The following CSTPP1 variants were observed in gnomAD, a reference collection of about 807,000 sequenced individuals.
The protein encoded by CSTPP1 is UPF0705 protein C11orf49.
At chr11:47,074,755 A>C in the CSTPP1 span, among the ~76,000 whole-genome samples, 1 of 152,210 alleles carries the variant, frequency 6.6e-6, no homozygotes, top group Non-Finnish European at 1.5e-5. Flanking sequence ...TTTTAAGTAC[A>C]AAATGTCAGC....
chr11:46,937,416 A>G, the CSTPP1 span, among the ~76,000 whole-genome samples: 2 of 152,172 alleles, frequency 1.3e-5, no homozygotes, highest in Non-Finnish European at 2.9e-5. Flanking sequence ...GCCCACTCCA[A>G]CAGAACTTGA....
At chr11:46,953,636 T>A in the CSTPP1 span, among the ~76,000 whole-genome samples, 1 of 152,230 alleles carries the variant, frequency 6.6e-6, no homozygotes, top group Non-Finnish European at 1.5e-5. Flanking sequence ...TATGGATATA[T>A]GTTTTATTAT....
chr11:46,963,618 A>G, the CSTPP1 span, among the ~76,000 whole-genome samples: 1 of 151,784 alleles, frequency 6.6e-6, no homozygotes, highest in Non-Finnish European at 1.5e-5. Context: ...ACCCGTCTAT[A>G]CTAAAAATAC....
At chr11:47,052,374 T>G in the CSTPP1 span, 1 of 1,609,128 alleles carries the variant, frequency 6.2e-7, no homozygotes, top group Admixed American at 1.7e-5. Flanking sequence ...ACTTCTTGAC[T>G]TTTCTCTTTG....
chr11:47,007,167 G>T, the CSTPP1 span, among the ~76,000 whole-genome samples: 1 of 151,402 alleles, frequency 6.6e-6, no homozygotes, highest in Non-Finnish European at 1.5e-5. Flanking sequence ...TGAGTAGCTG[G>T]GATTACAGGC....
chr11:46,987,337 C>T, the CSTPP1 span: 60 of 1,583,824 alleles, frequency 3.8e-5, 2 homozygotes, highest in South Asian at 6.2e-4. Flanking sequence ...TGTACTAATA[C>T]AGTGAACCCA....
At chr11:47,047,439 C>CAT in the CSTPP1 span, among the ~76,000 whole-genome samples, 1 of 152,108 alleles carries the variant, frequency 6.6e-6, no homozygotes, top group African/African-American at 2.4e-5. Flanking sequence ...TAAATCTTTA[C>CAT]ATATATGGTC....
the CSTPP1 span, among the ~76,000 whole-genome samples, chr11:47,033,239 C>T: frequency 6.6e-6 from 1 of 151,702 alleles, no homozygotes; most frequent in South Asian, 2.1e-4. Flanking sequence ...ATTTTTTTTG[C>T]CTTTTCATGT....
the CSTPP1 span, among the ~76,000 whole-genome samples, chr11:47,077,091 T>TAAA: frequency 2.1e-5 from 3 of 141,590 alleles, no homozygotes; most frequent in African/African-American, 7.7e-5. Flanking sequence ...ATGAGAAGCT[T>TAAA]AAAAAAAAAA....
At chr11:47,137,520 A>G in the CSTPP1 span, 3 of 1,543,310 alleles carry the variant, frequency 1.9e-6, no homozygotes, top group Admixed American at 3.9e-5. Flanking sequence ...CATACCCTTC[A>G]CACTGACTTG....
the CSTPP1 span, among the ~76,000 whole-genome samples, chr11:46,966,456 GA>G: frequency 6.6e-6 from 1 of 152,070 alleles, no homozygotes; most frequent in African/African-American, 2.4e-5. Context: ...TTTTTCATGT[GA>G]AAGCTTGACT....
At chr11:46,960,860 A>G in the CSTPP1 span, among the ~76,000 whole-genome samples, 1 of 140,670 alleles carries the variant, frequency 7.1e-6, no homozygotes, top group East Asian at 1.9e-4. Context: ...CTCAAAAAAA[A>G]GAAAAAAAAA....
the CSTPP1 span, among the ~76,000 whole-genome samples, chr11:47,015,425 G>A: frequency 2.4e-3 from 369 of 152,208 alleles, 1 homozygote; most frequent in African/African-American, 8.1e-3. Context: ...AGTGAGCCAA[G>A]GTCATGCCAC....
the CSTPP1 span, among the ~76,000 whole-genome samples, chr11:47,130,526 C>T: frequency 6.6e-6 from 1 of 152,196 alleles, no homozygotes; most frequent in Non-Finnish European, 1.5e-5. Context: ...GCCTTCTCTT[C>T]TTCTGGGGCT....
At chr11:47,133,616 C>G in the CSTPP1 span, among the ~76,000 whole-genome samples, 4 of 152,330 alleles carry the variant, frequency 2.6e-5, no homozygotes, top group East Asian at 1.9e-4. Context: ...TTTTCAGACT[C>G]GGTTTCTTAC....
chr11:47,092,871 T>C, the CSTPP1 span, among the ~76,000 whole-genome samples: 2 of 152,222 alleles, frequency 1.3e-5, no homozygotes, highest in African/African-American at 4.8e-5. Context: ...TCTTTGTGTT[T>C]TCCTGACCCT....
At chr11:47,095,670 G>A in the CSTPP1 span, among the ~76,000 whole-genome samples, 2 of 152,044 alleles carry the variant, frequency 1.3e-5, no homozygotes, top group Non-Finnish European at 2.9e-5. Context: ...TCTTATTTGA[G>A]CCAAAAATGA....
chr11:47,027,993 G>A, the CSTPP1 span, among the ~76,000 whole-genome samples: 20 of 144,498 alleles, frequency 1.4e-4, no homozygotes, highest in African/African-American at 3.6e-4. Flanking sequence ...GCACGATCTC[G>A]GCTCACTGCA....
At chr11:47,140,628 G>A in the CSTPP1 span, among the ~76,000 whole-genome samples, 2 of 150,670 alleles carry the variant, frequency 1.3e-5, no homozygotes, top group Admixed American at 1.3e-4. Context: ...TGGTAGAGAC[G>A]GGGTTTCACC....
Sources: gnomAD v4.1 joint callset for allele counts (sites outside exome capture counted in the v4.1 genomes callset) on GRCh38, gnomAD v4.1.1 for gene constraint, MANE v1.5 for transcripts, NCBI Gene and HGNC (gene_info 2026-07-23, HGNC 2026-07-21) for gene names.